The following ARB2A variants were observed in gnomAD, a reference collection of about 807,000 sequenced individuals.
ARB2A encodes ARB2 cotranscriptional regulator A, also known as cotranscriptional regulator ARB2A.
At chr5:93,962,984 T>G in the ARB2A span, among the ~76,000 whole-genome samples, 1 of 152,034 alleles carries the variant, frequency 6.6e-6, no homozygotes, top group Non-Finnish European at 1.5e-5. Context: ...TTCTAGAAAT[T>G]TGGAGACTGA....
chr5:93,689,723 G>A, the ARB2A span, among the ~76,000 whole-genome samples: 22 of 150,776 alleles, frequency 1.5e-4, no homozygotes, highest in Middle Eastern at 6.8e-3. Context: ...ACGGAGTTTC[G>A]CTCTTGTTGT....
the ARB2A span, among the ~76,000 whole-genome samples, chr5:93,814,570 A>T: frequency 1.3e-5 from 2 of 152,202 alleles, no homozygotes; most frequent in African/African-American, 4.8e-5. Flanking sequence ...TACTGTATGG[A>T]TCTTTATACT....
the ARB2A span, among the ~76,000 whole-genome samples, chr5:93,866,571 T>C: frequency 6.6e-6 from 1 of 152,176 alleles, no homozygotes; most frequent in Non-Finnish European, 1.5e-5. Context: ...TGAGAATTTT[T>C]TTCAACCAAA....
the ARB2A span, among the ~76,000 whole-genome samples, chr5:93,840,986 G>C: frequency 2.0e-5 from 3 of 152,256 alleles, no homozygotes; most frequent in African/African-American, 7.2e-5. Flanking sequence ...AAAATAGGAG[G>C]CATATAGAAC....
chr5:93,828,626 A>G, the ARB2A span, among the ~76,000 whole-genome samples: 1 of 152,148 alleles, frequency 6.6e-6, no homozygotes, highest in Non-Finnish European at 1.5e-5. Context: ...CCTAGTAGTG[A>G]CCTGTAGGAT....
chr5:94,034,620 T>C, the ARB2A span, among the ~76,000 whole-genome samples: 4 of 152,248 alleles, frequency 2.6e-5, no homozygotes, highest in Non-Finnish European at 2.9e-5. Context: ...ACCCTTATTC[T>C]GTTTTATCCT....
chr5:93,776,118 G>T, the ARB2A span: 1 of 1,492,660 alleles, frequency 6.7e-7, no homozygotes, highest in Non-Finnish European at 9.1e-7. Flanking sequence ...TTTTCACCCT[G>T]AAAAACAACA....
At chr5:93,625,036 C>G in the ARB2A span, among the ~76,000 whole-genome samples, 1 of 152,122 alleles carries the variant, frequency 6.6e-6, no homozygotes, top group Non-Finnish European at 1.5e-5. Flanking sequence ...ACTGATGGCA[C>G]CATGCCCATG....
chr5:94,017,109 G>C, the ARB2A span, among the ~76,000 whole-genome samples: 1 of 152,196 alleles, frequency 6.6e-6, no homozygotes. Context: ...CTTCACTGGA[G>C]GTAATGATAG....
At chr5:93,801,653 C>T in the ARB2A span, among the ~76,000 whole-genome samples, 7 of 152,188 alleles carry the variant, frequency 4.6e-5, no homozygotes, top group South Asian at 1.5e-3. Context: ...CAGGAATGTG[C>T]ACATGTGAGG....
the ARB2A span, among the ~76,000 whole-genome samples, chr5:94,095,559 C>CTAAT: frequency 1.3e-5 from 2 of 151,750 alleles, no homozygotes; most frequent in African/African-American, 4.8e-5. Context: ...TTTTTACAAA[C>CTAAT]ATTAGACTGC....
the ARB2A span, among the ~76,000 whole-genome samples, chr5:93,766,752 C>T: frequency 8.5e-5 from 13 of 152,138 alleles, no homozygotes; most frequent in Non-Finnish European, 1.6e-4. Flanking sequence ...ATGTTTACTG[C>T]AGCACTATTC....
chr5:93,855,304 TG>T, the ARB2A span, among the ~76,000 whole-genome samples: 1 of 152,170 alleles, frequency 6.6e-6, no homozygotes, highest in African/African-American at 2.4e-5. Context: ...TGTTTTCCAT[TG>T]GCTTGGTAGA....
At chr5:93,968,291 A>G in the ARB2A span, among the ~76,000 whole-genome samples, 1 of 152,172 alleles carries the variant, frequency 6.6e-6, no homozygotes, top group Non-Finnish European at 1.5e-5. Context: ...ATTTAAAACA[A>G]CTATAATATG....
the ARB2A span, among the ~76,000 whole-genome samples, chr5:93,647,815 C>A: frequency 6.6e-6 from 1 of 152,124 alleles, no homozygotes; most frequent in South Asian, 2.1e-4. Context: ...TGAACCACTG[C>A]GCCAAGTGCA....
the ARB2A span, among the ~76,000 whole-genome samples, chr5:93,641,364 C>T: frequency 6.6e-6 from 1 of 151,826 alleles, no homozygotes; most frequent in Non-Finnish European, 1.5e-5. Flanking sequence ...AGGTAGATGC[C>T]ATCTATTATT....
chr5:93,881,324 C>A, the ARB2A span: 1 of 552,230 alleles, frequency 1.8e-6, no homozygotes, highest in Non-Finnish European at 3.0e-6. Flanking sequence ...ATTTAAAAAC[C>A]CATTTAATCC....
chr5:93,888,815 T>C, the ARB2A span, among the ~76,000 whole-genome samples: 1 of 151,838 alleles, frequency 6.6e-6, no homozygotes, highest in Non-Finnish European at 1.5e-5. Context: ...TTTTCAAGAA[T>C]ATATCAGTGC....
the ARB2A span, chr5:93,741,492 C>G: frequency 6.2e-7 from 1 of 1,612,736 alleles, no homozygotes; most frequent in Non-Finnish European, 8.5e-7. Flanking sequence ...GCAGGGGCAT[C>G]GGCCCTCTGG....
Sources: gnomAD v4.1 joint callset for allele counts (sites outside exome capture counted in the v4.1 genomes callset) on GRCh38, gnomAD v4.1.1 for gene constraint, MANE v1.5 for transcripts, NCBI Gene and HGNC (gene_info 2026-07-23, HGNC 2026-07-21) for gene names.